MKLN1: variants seen among roughly 807,000 people sequenced by gnomAD.
MKLN1 encodes muskelin 1, also known as muskelin.
In MKLN1, 18 loss-of-function variants were observed where a neutral mutation model predicts 99.0. That is an observed-to-expected ratio of 0.18 (90% CI 0.13 to 0.27). The LOEUF (loss-of-function observed/expected upper bound fraction) is 0.27, where lower values mean the gene tolerates loss of function less well. Among genes scored for constraint, MKLN1 ranks in the 10% least tolerant of loss-of-function variants. The pLI, the probability that MKLN1 is intolerant of heterozygous loss-of-function variation, is 1.00. For missense variants in MKLN1, 621 were observed against 875.9 expected, an observed-to-expected ratio of 0.71 and a Z score of 3.67; for synonymous variants, 288 against 293.2, an observed-to-expected ratio of 0.98 and a Z score of 0.18.
intron 1 of MKLN1, among the ~76,000 whole-genome samples, chr7:131,136,620 AT>A (rs1795652457): frequency 6.6e-6 from 1 of 152,176 alleles, no homozygotes; most frequent in African/African-American, 2.4e-5. Flanking sequence ...AGGACAATAC[AT>A]TTCCCTTCAT....
chr7:131,261,405 C>T (rs1179739737), intron 3 of MKLN1, among the ~76,000 whole-genome samples: 1 of 152,154 alleles, frequency 6.6e-6, no homozygotes, highest in Non-Finnish European at 1.5e-5. Flanking sequence ...TGCTCAGCGT[C>T]ACTAACTATT....
At chr7:131,228,828 C>T (rs115061263) in intron 3 of MKLN1, among the ~76,000 whole-genome samples, 1,994 of 152,286 alleles carry the variant, frequency 0.013, 37 homozygotes, top group African/African-American at 0.046. Flanking sequence ...CACTTGTACT[C>T]GCAAGTTTTT....
At chr7:131,436,684 A>T (rs1357015616) in intron 9 of MKLN1, among the ~76,000 whole-genome samples, 2 of 152,194 alleles carry the variant, frequency 1.3e-5, no homozygotes, top group Admixed American at 1.3e-4. Context: ...GGAGTTGTTT[A>T]ACAAACATTA....
In MKLN1 at chr7:131,429,091, G is replaced by T. The variant is rs140164046; in HGVS notation, c.906G>T (p.Ala302=). Residue 302 remains alanine (A), a synonymous_variant, in exon 9 of 18, where the codon GCG becomes GCT. Coordinates refer to ENST00000352689, the MANE Select transcript of MKLN1 (RefSeq NM_013255.5). ...CACAAGATCTTGCTGACTTCTGGGC[G>T]TACAGTGTGAAGGAGAACCAGTGGA... The part of the protein sequence containing the change: ...DGTQDLADFW[A]YSVKENQWTC... 3.1e-6 allele frequency: 5 copies of T among 1,613,840 alleles called. No individual in the cohort carries two copies. Among genetic ancestry groups the T allele is most frequent in the Non-Finnish European group, 4.2e-6 (5 of 1,179,884 alleles).
intron 9 of MKLN1, among the ~76,000 whole-genome samples, chr7:131,432,473 G>A (rs897551234): frequency 1.3e-5 from 2 of 152,108 alleles, no homozygotes; most frequent in Non-Finnish European, 2.9e-5. Context: ...TGAGTAAAGT[G>A]GTGATTCAGT....
chr7:131,120,124 T>C (rs1178831027), intron 1 of MKLN1, among the ~76,000 whole-genome samples: 1 of 138,268 alleles, frequency 7.2e-6, no homozygotes, highest in Non-Finnish European at 1.5e-5. Context: ...TGAGCTGAGA[T>C]CGTGCCACTG....
At chr7:131,448,540 A>G (rs1796085189) in intron 12 of MKLN1, among the ~76,000 whole-genome samples, 1 of 152,236 alleles carries the variant, frequency 6.6e-6, no homozygotes, top group Non-Finnish European at 1.5e-5. Flanking sequence ...ACTTGTTAAA[A>G]TTTTGATATA....
intron 1 of MKLN1, among the ~76,000 whole-genome samples, chr7:131,372,721 GTT>G (rs551063120): frequency 1.3e-4 from 17 of 130,516 alleles, no homozygotes; most frequent in Non-Finnish European, 1.2e-4. Context: ...TATCCCCTAG[GTT>G]TTTTTTTTTT....
intron 6 of MKLN1, among the ~76,000 whole-genome samples, chr7:131,403,808 A>G (rs1488150354): frequency 6.6e-6 from 1 of 152,210 alleles, no homozygotes; most frequent in Non-Finnish European, 1.5e-5. Flanking sequence ...CACTGATCAT[A>G]GGTCACTGTA....
intron 3 of MKLN1, among the ~76,000 whole-genome samples, chr7:131,281,693 T>C (rs1156797466): frequency 6.6e-6 from 1 of 152,110 alleles, no homozygotes; most frequent in Admixed American, 6.6e-5. Context: ...TCTTTTCTTT[T>C]TTTTTTTGTT....
chr7:131,209,891 G>GT (rs1474139676), intron 3 of MKLN1, among the ~76,000 whole-genome samples: 1 of 152,040 alleles, frequency 6.6e-6, no homozygotes, highest in Non-Finnish European at 1.5e-5. Flanking sequence ...TCTTCTGACT[G>GT]TAAGACAAAA....
In MKLN1 at chr7:131,426,556, T is replaced by C. The variant is rs537221710; in HGVS notation, c.848-2477T>C. 1.1e-4 allele frequency among the ~76,000 whole-genome samples: 17 copies of C among 152,274 alleles called. No individual in the cohort carries two copies. The East Asian group carries it at 3.1e-3, about 28-fold the overall frequency. ...GTTTTATAGTTCCAAGATAGGACAGTGTTTTTTTTGTAGTTTAAAATAATT... is the reference window on the plus strand; with the variant it reads ...GTTTTATAGTTCCAAGATAGGACAGCGTTTTTTTTGTAGTTTAAAATAATT... On this transcript the variant is annotated intron_variant, in intron 8 of 17. Coordinates refer to ENST00000352689, the MANE Select transcript of MKLN1 (RefSeq NM_013255.5).
intron 6 of MKLN1, among the ~76,000 whole-genome samples, chr7:131,407,545 A>G (rs114227669): frequency 0.016 from 2,457 of 152,046 alleles, 46 homozygotes; most frequent in African/African-American, 0.054. Context: ...GTTAGGAGGT[A>G]GGGCTGTGTT....
intron 3 of MKLN1, among the ~76,000 whole-genome samples, chr7:131,207,132 A>G (rs1309335568): frequency 6.6e-6 from 1 of 152,168 alleles, no homozygotes; most frequent in East Asian, 1.9e-4. Flanking sequence ...GAAGATGGGA[A>G]TCCTTTTGTT....
rs1397719421 is a variant in MKLN1 at position 131,192,097 on chromosome 7, T to TAC, written c.-296-10760_-296-10759insAC. ...TATATACATATATATTATATATATA[T>TAC]GTATATATATATTATATATATACGT... On this transcript the variant is annotated intron_variant, in intron 2 of 7. Coordinates refer to the MKLN1 transcript ENST00000416992. 7.0e-3 allele frequency among the ~76,000 whole-genome samples: 539 copies of TAC among 76,872 alleles called. 46 individuals carry two copies. Among genetic ancestry groups the TAC allele is most frequent in the African/African-American group, 0.029 (502 of 17,410 alleles). 50.4% of individuals were successfully genotyped at this position (76,872 alleles called of 152,430 possible).
At chr7:131,443,845 TTGC>T in intron 11 of MKLN1, 143 bp downstream of exon 11, 1 of 670,884 alleles carries the variant, frequency 1.5e-6, no homozygotes, top group Non-Finnish European at 2.6e-6. Context: ...AGTGAACTGT[TTGC>T]TAATTATGAG....
chr7:131,413,770 C>T (rs1409153103), intron 7 of MKLN1, among the ~76,000 whole-genome samples: 1 of 152,134 alleles, frequency 6.6e-6, no homozygotes, highest in East Asian at 1.9e-4. Context: ...GACTCCTGAC[C>T]TCAGGTGATC....
intron 1 of MKLN1, among the ~76,000 whole-genome samples, chr7:131,111,923 C>G (rs1795208870): frequency 6.6e-6 from 1 of 152,218 alleles, no homozygotes; most frequent in African/African-American, 2.4e-5. Context: ...AGTGTGACTA[C>G]AAGGCTACAC....
At chr7:131,474,141 C>A (rs997129165) in intron 16 of MKLN1, among the ~76,000 whole-genome samples, 2 of 152,136 alleles carry the variant, frequency 1.3e-5, no homozygotes, top group Admixed American at 1.3e-4. Context: ...CAAGGAGTTA[C>A]TGTAGCTCAG....
Sources: allele counts gnomAD v4.1 joint callset (sites outside exome capture counted in the v4.1 genomes callset), GRCh38; gene constraint gnomAD v4.1.1; transcripts MANE v1.5; gene names NCBI Gene and HGNC (gene_info 2026-07-23, HGNC 2026-07-21).